Variants in WWOX observed in about 807,000 individuals in gnomAD.
WWOX encodes WW domain containing oxidoreductase.
Under a neutral mutation model 46.2 loss-of-function variants are expected in WWOX, and 69 were observed. That is an observed-to-expected ratio of 1.49 (90% CI 1.23 to 1.82). The LOEUF is 1.82. Ranked by LOEUF, WWOX falls within the 40% of genes most tolerant of loss-of-function variation. WWOX has a pLI of 0.00. For synonymous variants in WWOX, 359 were observed against 202.6 expected (o/e 1.77, Z -6.56); for missense variants, 919 against 542.6 (o/e 1.69, Z -6.89).
intron 8 of WWOX, among the ~76,000 whole-genome samples, chr16:79,003,085 C>G (rs2047125283): frequency 6.6e-6 from 1 of 152,160 alleles, no homozygotes. Flanking sequence ...CCACTCTTCC[C>G]CCTGAAAAAC....
intron 8 of WWOX, among the ~76,000 whole-genome samples, chr16:79,174,976 T>G (rs539774310): frequency 1.3e-5 from 2 of 152,312 alleles, no homozygotes; most frequent in Middle Eastern, 6.8e-3. Context: ...ATGTGTCTTA[T>G]ATCAACATGC....
intron 8 of WWOX, among the ~76,000 whole-genome samples, chr16:79,167,651 A>G (rs1298954759): frequency 6.6e-6 from 1 of 152,222 alleles, no homozygotes; most frequent in African/African-American, 2.4e-5. Context: ...CAAGTCAAAT[A>G]AGACAGAGAT....
intron 8 of WWOX, among the ~76,000 whole-genome samples, chr16:78,556,315 T>C (rs948020833): frequency 4.0e-5 from 6 of 150,282 alleles, no homozygotes; most frequent in South Asian, 4.3e-4. Context: ...CAGTCGGCGA[T>C]TGGGAACGCT....
rs542922099 is a variant in WWOX, at chr16:78,830,760, A to G, written c.1057-380848A>G. 2.0e-4 allele frequency among the ~76,000 whole-genome samples: 30 copies of G among 151,814 alleles called. 1 individual carries two copies. In the South Asian group the frequency reaches 6.2e-3, roughly 32 times the overall value. On this transcript the variant is annotated intron_variant, in intron 8 of 8. Coordinates refer to ENST00000566780, the MANE Select transcript of WWOX (RefSeq NM_016373.4). ...GGCATCAGCTTGTATTGGAGGGAAC[A>G]TCTGAGCAGCTCAGGGCCCCCTGGG...
intron 8 of WWOX, among the ~76,000 whole-genome samples, chr16:79,021,739 A>T (rs918684306): frequency 6.6e-6 from 1 of 152,186 alleles, no homozygotes; most frequent in Non-Finnish European, 1.5e-5. Flanking sequence ...AAAAATAAAG[A>T]TGTAACATTT....
At chr16:78,554,530 G>C (rs1333241172) in intron 8 of WWOX, among the ~76,000 whole-genome samples, 1 of 152,036 alleles carries the variant, frequency 6.6e-6, no homozygotes, top group Non-Finnish European at 1.5e-5. Context: ...AATAGATATA[G>C]GTAAAGACCT....
At chr16:78,116,296 T>A (rs1358425738) in intron 4 of WWOX, among the ~76,000 whole-genome samples, 1 of 152,222 alleles carries the variant, frequency 6.6e-6, no homozygotes, top group East Asian at 1.9e-4. Context: ...TCTTTCTTAA[T>A]TTTGAACAAT....
intron 8 of WWOX, among the ~76,000 whole-genome samples, chr16:78,498,220 A>AAAAG (rs1555549967): frequency 6.6e-6 from 1 of 151,116 alleles, no homozygotes; most frequent in African/African-American, 2.4e-5. Flanking sequence ...AAAAAAAAAG[A>AAAAG]AAAAAAAGCA....
At chr16:79,141,323 G>C (rs762055723) in intron 8 of WWOX, among the ~76,000 whole-genome samples, 3 of 152,190 alleles carry the variant, frequency 2.0e-5, no homozygotes, top group Non-Finnish European at 2.9e-5. Context: ...GATGTCTCAT[G>C]TCTCCCTAGA....
At chr16:78,304,982 T>C (rs913638096) in intron 5 of WWOX, among the ~76,000 whole-genome samples, 2 of 152,096 alleles carry the variant, frequency 1.3e-5, no homozygotes, top group Non-Finnish European at 2.9e-5. Context: ...CCTTTTTCCT[T>C]TTCTTTCCTT....
At chr16:79,129,682 A>G (rs899603125) in intron 8 of WWOX, among the ~76,000 whole-genome samples, 4 of 152,178 alleles carry the variant, frequency 2.6e-5, no homozygotes, top group East Asian at 3.9e-4. Context: ...TATGGACTGC[A>G]TTCCATGCCT....
intron 8 of WWOX, among the ~76,000 whole-genome samples, chr16:79,041,312 C>T (rs571057846): frequency 6.6e-6 from 1 of 152,296 alleles, no homozygotes; most frequent in East Asian, 1.9e-4. Flanking sequence ...GTCCCCCAGC[C>T]TCTGTGTGTC....
intron 6 of WWOX, among the ~76,000 whole-genome samples, chr16:78,413,580 G>C (rs917551423): frequency 3.3e-5 from 5 of 152,034 alleles, no homozygotes; most frequent in Non-Finnish European, 5.9e-5. Flanking sequence ...CACAATGGGG[G>C]AATGTCATCA....
intron 8 of WWOX, among the ~76,000 whole-genome samples, chr16:78,743,761 A>G (rs2142425342): frequency 6.6e-6 from 1 of 152,302 alleles, no homozygotes; most frequent in African/African-American, 2.4e-5. Flanking sequence ...ACAACCTATC[A>G]GACATTTGCA....
Position 78,164,194 on chromosome 16 carries a change from G to T in WWOX, c.421G>T (p.Ala141Ser), listed in dbSNP as rs369907002. The change falls in exon 5 of 9, where the codon GCC becomes TCC. Residue 141 changes from alanine (A) to serine (S), a missense_variant. Coordinates refer to ENST00000566780, the MANE Select transcript of WWOX (RefSeq NM_016373.4). The part of the protein sequence containing the change: ...GANSGIGFET[A>S]KSFALHGAHV... Reference sequence around the variant, plus strand: ...CCTTTAAACCATAGGGTTCGAAACCGCCAAGTCTTTTGCCCTCCATGGTGC... The same window carrying T: ...CCTTTAAACCATAGGGTTCGAAACCTCCAAGTCTTTTGCCCTCCATGGTGC... 4 of 1,613,908 alleles carry T rather than the reference G, an allele frequency of 2.5e-6. No homozygotes were observed. The highest frequency in any genetic ancestry group is 2.2e-5 in the East Asian group (1 of 44,874).
At chr16:78,311,790 C>CG (rs869211751) in intron 5 of WWOX, among the ~76,000 whole-genome samples, 3 of 44,674 alleles carry the variant, frequency 6.7e-5, no homozygotes, top group Non-Finnish European at 1.6e-4. Context: ...AGCAGCCTGG[C>CG]GGGGGGGTAT....
At chr16:78,793,464 A>G (rs1300961751) in intron 8 of WWOX, among the ~76,000 whole-genome samples, 1 of 152,058 alleles carries the variant, frequency 6.6e-6, no homozygotes, top group African/African-American at 2.4e-5. Flanking sequence ...CTCATTTTTT[A>G]TCCAGTTTTG....
At chr16:78,742,058 C>T (rs1211055450) in intron 8 of WWOX, among the ~76,000 whole-genome samples, 1 of 152,126 alleles carries the variant, frequency 6.6e-6, no homozygotes, top group African/African-American at 2.4e-5. Flanking sequence ...ACCCTGTGAC[C>T]TCAGCACTAG....
chr16:78,944,127 G>C (rs1313435065), intron 8 of WWOX, among the ~76,000 whole-genome samples: 3 of 152,146 alleles, frequency 2.0e-5, no homozygotes, highest in South Asian at 2.1e-4. Flanking sequence ...CTGTGGTATT[G>C]TCTGAGCCTA....
Sources: gnomAD v4.1 joint callset for allele counts (sites outside exome capture counted in the v4.1 genomes callset) on GRCh38, gnomAD v4.1.1 for gene constraint, MANE v1.5 for transcripts, NCBI Gene and HGNC (gene_info 2026-07-23, HGNC 2026-07-21) for gene names.